The following LINC00237 variants were observed in gnomAD, a reference collection of about 807,000 sequenced individuals.
LINC00237 encodes long independently transcribed non-coding RNA 237.
chr20:21,087,064 TACACACCCACACCC>T lies in LINC00237; in HGVS notation n.559+866_559+879del, dbSNP rs2030722026. ...AGTACATATATAGTATACATATATA[TACACACCCACACCC>T]ACACACTATATATGTAGAGAGAGAG... On this transcript the variant is annotated intron_variant and non_coding_transcript_variant, in intron 3 of 3. Transcript: ENST00000691244. 6.2e-5 allele frequency among the ~76,000 whole-genome samples: 9 copies of T among 145,004 alleles called. No homozygotes were observed. In the South Asian group the frequency reaches 1.9e-3, roughly 31 times the overall value.
At chr20:21,096,878 C>A (rs2030864973) in intron 1 of LINC00237, among the ~76,000 whole-genome samples, 1 of 152,222 alleles carries the variant, frequency 6.6e-6, no homozygotes, top group Admixed American at 6.5e-5. Flanking sequence ...GCCAGCCTCA[C>A]TGCTAGCCCA....
intron 1 of LINC00237, among the ~76,000 whole-genome samples, chr20:21,096,918 C>A (rs1025471328): frequency 6.6e-6 from 1 of 152,218 alleles, no homozygotes; most frequent in Non-Finnish European, 1.5e-5. Flanking sequence ...TTTTTAGATG[C>A]ACCTGTTACT....
chr20:21,100,355 C>G (rs889075263), intron 1 of LINC00237, among the ~76,000 whole-genome samples: 1 of 152,176 alleles, frequency 6.6e-6, no homozygotes, highest in Non-Finnish European at 1.5e-5. Flanking sequence ...GGCTTGTAGA[C>G]GGACGCGGGC....
intron 2 of LINC00237, chr20:21,093,133 C>A (rs886450771): frequency 2.0e-5 from 3 of 152,258 alleles, no homozygotes; most frequent in Admixed American, 2.0e-4. Flanking sequence ...GCATACCAGC[C>A]AATGTGAATG....
Position 21,101,672 on chromosome 20 carries a change from A to T in LINC00237, n.88+4599T>A, listed in dbSNP as rs1600314766. On this transcript the variant is annotated intron_variant and non_coding_transcript_variant, in intron 1 of 3. Coordinates refer to ENST00000691244, the Ensembl canonical transcript of LINC00237. The surrounding 1 kb of genome is among the most constrained non-coding windows in gnomAD (Gnocchi z 4.3). ...CAGGCAGCTAACTTTGGAGCCGGGC[A>T]AGACGTGTTTTCCCGCTCCTTCGAA... The T allele has an allele frequency of 6.6e-6, 1 of 152,392 alleles. No individual in the cohort carries two copies. Among genetic ancestry groups the T allele is most frequent in the African/African-American group, 2.4e-5 (1 of 41,468 alleles). 9.4% of individuals were successfully genotyped at this position (152,392 alleles called of 1,614,324 possible).
rs186625374 is a variant in LINC00237, at chr20:21,088,671, C to A, written n.473-641G>T. Among the ~76,000 whole-genome samples the A allele has an allele frequency of 7.4e-4, 112 of 152,234 alleles. 1 individual carries two copies. The highest frequency in any genetic ancestry group is 3.4e-3 in the Middle Eastern group (1 of 294). ...GGAAATGTGGATTTATAGAAAAGAA[C>A]AACATGTCAAATGATTACAAACAGA... On this transcript the variant is annotated intron_variant and non_coding_transcript_variant, in intron 2 of 3. Coordinates refer to ENST00000691244, the Ensembl canonical transcript of LINC00237.
Position 21,101,048 on chromosome 20 carries a change from C to G in LINC00237, n.88+5223G>C, listed in dbSNP as rs1474046724. Reference sequence around the variant, plus strand: ...ACAAGGAGATTTATCCCGCGACAAACAGCCCCACCGAGAGCCGCTGAATGG... The same window carrying G: ...ACAAGGAGATTTATCCCGCGACAAAGAGCCCCACCGAGAGCCGCTGAATGG... On this transcript the variant is annotated intron_variant and non_coding_transcript_variant, in intron 1 of 3. Coordinates refer to ENST00000691244, the Ensembl canonical transcript of LINC00237. This position sits in a 1 kb window ranked among gnomAD's most constrained non-coding sequence, Gnocchi z 4.3. Among the ~76,000 whole-genome samples, 1 of 144,002 alleles carries G rather than the reference C, an allele frequency of 6.9e-6. No individual in the cohort carries two copies. The allele number at this position is 144,002 out of a possible 152,430, so 94.5% of individuals were successfully genotyped here. A position where few individuals can be genotyped will look rare whatever the true frequency, so the allele number is the denominator to read the frequency against.
In LINC00237 at chr20:21,101,813, A is replaced by T. The variant is rs1164663457; in HGVS notation, n.88+4458T>A. Among the ~76,000 whole-genome samples, 1 of 150,146 alleles carries T rather than the reference A, an allele frequency of 6.7e-6. No individual in the cohort carries two copies. The highest frequency in any genetic ancestry group is 1.5e-5 in the Non-Finnish European group (1 of 67,526). On this transcript the variant is annotated intron_variant and non_coding_transcript_variant, in intron 1 of 3. Coordinates refer to ENST00000691244, the Ensembl canonical transcript of LINC00237. This position sits in a 1 kb window ranked among gnomAD's most constrained non-coding sequence, Gnocchi z 4.3. Reference sequence around the variant, plus strand: ...GCGCCACCGTGGGGATGGAGGTGGGAGTTGGAACACAGCCCCCTAGCTGAG... The same window carrying T: ...GCGCCACCGTGGGGATGGAGGTGGGTGTTGGAACACAGCCCCCTAGCTGAG...
At chr20:21,102,192 T>G (rs773968474) in intron 1 of LINC00237, among the ~76,000 whole-genome samples, 4 of 152,242 alleles carry the variant, frequency 2.6e-5, no homozygotes, top group Non-Finnish European at 4.4e-5. Flanking sequence ...CGTCCCCACT[T>G]CAAGGCCAAG....
At chr20:21,103,452 G>T (rs1435800774) in intron 1 of LINC00237, among the ~76,000 whole-genome samples, 1 of 152,138 alleles carries the variant, frequency 6.6e-6, no homozygotes, top group African/African-American at 2.4e-5. Flanking sequence ...TCCAAGTTCT[G>T]CCCGGTGCCC....
At chr20:21,086,785 A>G (rs1280619717) in intron 3 of LINC00237, among the ~76,000 whole-genome samples, 1 of 125,294 alleles carries the variant, frequency 8.0e-6, no homozygotes, top group South Asian at 2.3e-4. Context: ...TACATGTACT[A>G]TATATACATA....
chr20:21,086,556 A>C (rs1387969200), intron 3 of LINC00237, among the ~76,000 whole-genome samples: 1 of 111,030 alleles, frequency 9.0e-6, no homozygotes, highest in Non-Finnish European at 1.9e-5. Flanking sequence ...TATATGTACT[A>C]TATATATAGT....
intron 1 of LINC00237, among the ~76,000 whole-genome samples, chr20:21,099,163 G>A (rs1032150128): frequency 2.0e-5 from 3 of 152,146 alleles, no homozygotes; most frequent in Admixed American, 1.3e-4. Flanking sequence ...TGTGCTTTCT[G>A]GGAAGTTGCT....
chr20:21,100,427 G>T (rs2122181222), intron 1 of LINC00237, among the ~76,000 whole-genome samples: 1 of 152,378 alleles, frequency 6.6e-6, no homozygotes, highest in East Asian at 1.9e-4. Context: ...GATTCGAAGG[G>T]AGTGGCGTTT....
chr20:21,106,334 G>A (rs901716829), exon 1 of LINC00237: 7 of 152,250 alleles, frequency 4.6e-5, no homozygotes, highest in African/African-American at 9.6e-5. Flanking sequence ...GGAAGAGGGG[G>A]CTCCGCGCGC....
At chr20:21,087,233 C>T (rs377045256) in intron 3 of LINC00237, among the ~76,000 whole-genome samples, 33 of 151,924 alleles carry the variant, frequency 2.2e-4, no homozygotes, top group African/African-American at 5.6e-4. Context: ...AACTTGTTTT[C>T]GCTTAACAGG....
At chr20:21,085,745 G>A (rs1254635973) in exon 4 of LINC00237, among the ~76,000 whole-genome samples, 2 of 152,186 alleles carry the variant, frequency 1.3e-5, no homozygotes, top group African/African-American at 4.8e-5. Context: ...GGTTACATGA[G>A]TGAGTTCACT....
At chr20:21,097,706 T>C (rs2030878916) in intron 1 of LINC00237, among the ~76,000 whole-genome samples, 2 of 152,166 alleles carry the variant, frequency 1.3e-5, no homozygotes. Flanking sequence ...TACAGTAAAG[T>C]GGTACTTTGG....
chr20:21,095,504 G>A (rs897407894), intron 1 of LINC00237, among the ~76,000 whole-genome samples: 3 of 152,350 alleles, frequency 2.0e-5, no homozygotes, highest in South Asian at 2.1e-4. Flanking sequence ...GAGTACACAC[G>A]TGATGAGCTG....
Sources: allele counts gnomAD v4.1 joint callset (sites outside exome capture counted in the v4.1 genomes callset), GRCh38; gene constraint gnomAD v4.1.1; non-coding constraint Gnocchi (gnomAD v3.1); transcripts MANE v1.5; gene names NCBI Gene and HGNC (gene_info 2026-07-23, HGNC 2026-07-21).